MAST2: variants seen among roughly 807,000 people sequenced by gnomAD.
MAST2 encodes the protein microtubule-associated serine/threonine-protein kinase 2.
In MAST2, 70 loss-of-function variants were observed where a neutral mutation model predicts 147.4. That is an observed-to-expected ratio of 0.47 (90% confidence interval 0.39 to 0.58). The LOEUF is 0.58. Ranked by LOEUF, MAST2 falls within the 20% of genes least tolerant of loss-of-function variation. MAST2 has a pLI of 0.00. For synonymous variants in MAST2, 869 were observed against 896.8 expected (o/e 0.97, Z 0.55); for missense variants, 2,080 against 2,302.3 (o/e 0.90, Z 1.98).
chr1:45,918,897 G>C (rs1388626368), intron 4 of MAST2, among the ~76,000 whole-genome samples: 1 of 152,086 alleles, frequency 6.6e-6, no homozygotes, highest in Non-Finnish European at 1.5e-5. Context: ...CGGATTGCTT[G>C]AGTTCAAGAC....
intron 4 of MAST2, among the ~76,000 whole-genome samples, chr1:45,951,618 G>A (rs1343661274): frequency 6.6e-6 from 1 of 151,786 alleles, no homozygotes; most frequent in Non-Finnish European, 1.5e-5. Context: ...GAAGGAAACA[G>A]AAACAAGAGA....
At chr1:45,816,842 T>C (rs1348408722) in intron 1 of MAST2, among the ~76,000 whole-genome samples, 1 of 152,118 alleles carries the variant, frequency 6.6e-6, no homozygotes, top group Non-Finnish European at 1.5e-5. Context: ...CACACCTGGC[T>C]AATTTTTTTG....
chr1:45,852,243 C>T (rs1645645181), intron 3 of MAST2, among the ~76,000 whole-genome samples: 1 of 152,212 alleles, frequency 6.6e-6, no homozygotes, highest in South Asian at 2.1e-4. Flanking sequence ...AATCAACATA[C>T]AGAACCGTAC....
At chr1:45,807,418 C>A (rs1644173596) in intron 1 of MAST2, among the ~76,000 whole-genome samples, 1 of 152,176 alleles carries the variant, frequency 6.6e-6, no homozygotes, top group South Asian at 2.1e-4. Context: ...GGCATTGTGT[C>A]ACAGAACATC....
chr1:45,810,134 A>G (rs1421099527), intron 1 of MAST2, among the ~76,000 whole-genome samples: 2 of 152,244 alleles, frequency 1.3e-5, no homozygotes, highest in Non-Finnish European at 2.9e-5. Flanking sequence ...TATTTATTGA[A>G]TGAATGAATG....
intron 3 of MAST2, among the ~76,000 whole-genome samples, chr1:45,844,574 G>A (rs749604987): frequency 1.2e-4 from 18 of 151,974 alleles, no homozygotes; most frequent in Non-Finnish European, 2.6e-4. Flanking sequence ...GTGAGCCACC[G>A]CGGCCAGCTT....
At chr1:45,866,578 A>T (rs1053689297) in intron 3 of MAST2, among the ~76,000 whole-genome samples, 1 of 152,128 alleles carries the variant, frequency 6.6e-6, no homozygotes, top group African/African-American at 2.4e-5. Flanking sequence ...TTTCTCCCTG[A>T]TGCCTGAGTC....
chr1:45,925,536 G>A (rs1025799519), intron 4 of MAST2, among the ~76,000 whole-genome samples: 1 of 152,158 alleles, frequency 6.6e-6, no homozygotes, highest in African/African-American at 2.4e-5. Context: ...GAAGAGAGGA[G>A]GCAGTTGTGT....
At chr1:45,970,815 T>TTC (rs71062730) in intron 5 of MAST2, among the ~76,000 whole-genome samples, 11 of 151,116 alleles carry the variant, frequency 7.3e-5, no homozygotes, top group South Asian at 4.2e-4. Flanking sequence ...TTTTTTTTTT[T>TTC]CTCCTCCAGT....
chr1:45,882,483 C>A lies in MAST2; in HGVS notation c.500+88C>A, dbSNP rs942053242. ...ATTTCCCACTATCATGTGGAGGAAT[C>A]CCGCTCAGTACACAATTTCTTTCTG... On this transcript the variant is annotated intron_variant, in intron 4 of 28. Coordinates refer to ENST00000361297, the MANE Select transcript of MAST2 (RefSeq NM_015112.3). 5.9e-6 allele frequency: 6 copies of A among 1,025,064 alleles called. No homozygotes were observed. The African/African-American group carries it at 6.4e-5, about 11-fold the overall frequency. 63.5% of individuals were successfully genotyped at this position (1,025,064 alleles called of 1,614,324 possible).
intron 4 of MAST2, among the ~76,000 whole-genome samples, chr1:45,883,941 A>C: frequency 1.2e-5 from 1 of 84,516 alleles, no homozygotes; most frequent in Non-Finnish European, 2.2e-5. Flanking sequence ...GGTTGCTTCT[A>C]TTTGAAAACT....
In MAST2 at chr1:45,899,307, C is replaced by CTTTTTTTTTT. The variant is rs770069959; in HGVS notation, c.500+16923_500+16932dup. On this transcript the variant is annotated intron_variant, in intron 4 of 28. Coordinates refer to ENST00000361297, the MANE Select transcript of MAST2 (RefSeq NM_015112.3). ...GCCAAAAATATTTTTCCTTTCTTTT[C>CTTTTTTTTTT]TTTTTTTTTTTTTTTTTTTTAGATT... 9.2e-4 allele frequency among the ~76,000 whole-genome samples: 99 copies of CTTTTTTTTTT among 107,944 alleles called. 4 individuals are homozygous for CTTTTTTTTTT. The highest frequency in any genetic ancestry group is 1.0e-3 in the Non-Finnish European group (56 of 55,692). 70.8% of individuals were successfully genotyped at this position (107,944 alleles called of 152,430 possible).
intron 4 of MAST2, among the ~76,000 whole-genome samples, chr1:45,906,478 T>C (rs2148531068): frequency 6.7e-6 from 1 of 149,278 alleles, no homozygotes. Flanking sequence ...AAGGGTAAAG[T>C]TAAAACTTAA....
At chr1:45,997,632 C>A in intron 5 of MAST2, 92 bp from the exon 6 acceptor site, 1 of 856,790 alleles carries the variant, frequency 1.2e-6, no homozygotes, top group Non-Finnish European at 2.0e-6. Context: ...CATATAATTG[C>A]CAGTGCTAGG....
intron 24 of MAST2, 77 bp from the exon 25 acceptor site, chr1:46,032,101 T>C: frequency 9.1e-7 from 1 of 1,098,682 alleles, no homozygotes; most frequent in Non-Finnish European, 1.4e-6. Flanking sequence ...ACTAGAGTTG[T>C]GCTGACATCA....
chr1:45,931,386 T>TTTG (rs1655278592), intron 4 of MAST2, among the ~76,000 whole-genome samples: 4 of 147,740 alleles, frequency 2.7e-5, no homozygotes, highest in Admixed American at 6.8e-5. Flanking sequence ...TGTTTTTTTT[T>TTTG]TTTTTTTTTT....
intron 21 of MAST2, 111 bp from the exon 22 acceptor site, chr1:46,030,496 G>T: frequency 7.8e-7 from 1 of 1,287,706 alleles, no homozygotes; most frequent in Non-Finnish European, 1.1e-6. Flanking sequence ...GTGAAGGAGG[G>T]ATGGAACCGA....
At chr1:45,838,739 A>G (rs1028810688) in intron 3 of MAST2, among the ~76,000 whole-genome samples, 2 of 152,192 alleles carry the variant, frequency 1.3e-5, no homozygotes, top group Non-Finnish European at 2.9e-5. Flanking sequence ...TATATACGAA[A>G]AATGTGGAAA....
In MAST2 at chr1:45,923,233, T is replaced by G. The variant is rs372516423; in HGVS notation, c.501-36153T>G. Among the ~76,000 whole-genome samples, 44 of 152,180 alleles carry G rather than the reference T, an allele frequency of 2.9e-4. No individual in the cohort carries two copies. In the South Asian group the frequency reaches 3.1e-3, roughly 11 times the overall value. On this transcript the variant is annotated intron_variant, in intron 4 of 28. Coordinates refer to ENST00000361297, the MANE Select transcript of MAST2 (RefSeq NM_015112.3). The stretch of plus-strand genomic sequence containing the variant: ...GTGGGTTCCCAGGGCAGTGGGCCTG[T>G]AGGGGGGCTTCCAAAGGAGGGTTCC...
Sources: allele counts gnomAD v4.1 joint callset (sites outside exome capture counted in the v4.1 genomes callset), GRCh38; gene constraint gnomAD v4.1.1; transcripts MANE v1.5; gene names NCBI Gene and HGNC (gene_info 2026-07-23, HGNC 2026-07-21).